The following MGAT4C variants were observed in gnomAD, a reference collection of about 807,000 sequenced individuals.
The protein encoded by MGAT4C is alpha-1,3-mannosyl-glycoprotein 4-beta-N-acetylglucosaminyltransferase C.
Under a neutral mutation model 40.1 loss-of-function variants are expected in MGAT4C, and 19 were observed. The observed-to-expected ratio is 0.47, with a 90% CI of 0.33 to 0.70. The LOEUF (loss-of-function observed/expected upper bound fraction) is 0.70. Ranked by LOEUF, MGAT4C falls within the 30% of genes least tolerant of loss-of-function variation. The probability of loss-of-function intolerance (pLI) is 0.02; values close to 1 mark genes in which losing one functional copy is unlikely to be tolerated. For synonymous variants in MGAT4C, 181 were observed against 187.1 expected (o/e 0.97, Z 0.27); for missense variants, 491 against 563.2 (o/e 0.87, Z 1.30).
At chr12:86,806,044 T>G (rs1194672966) in intron 1 of MGAT4C, among the ~76,000 whole-genome samples, 1 of 151,948 alleles carries the variant, frequency 6.6e-6, no homozygotes, top group African/African-American at 2.4e-5. Flanking sequence ...GAACAACTTT[T>G]GCTTTATCAG....
chr12:86,555,742 C>T (rs1239999689), intron 2 of MGAT4C, among the ~76,000 whole-genome samples: 10 of 152,160 alleles, frequency 6.6e-5, no homozygotes, highest in Non-Finnish European at 1.5e-4. Flanking sequence ...CCTTTTGACC[C>T]CCACATTCTC....
At chr12:86,249,764 G>T (rs2136071022) in intron 1 of MGAT4C, among the ~76,000 whole-genome samples, 1 of 152,096 alleles carries the variant, frequency 6.6e-6, no homozygotes, top group African/African-American at 2.4e-5. Context: ...TCTTAATGAG[G>T]TCCCTCTATC....
At chr12:86,434,299 C>T (rs1957097723) in intron 3 of MGAT4C, among the ~76,000 whole-genome samples, 1 of 151,594 alleles carries the variant, frequency 6.6e-6, no homozygotes, top group South Asian at 2.1e-4. Flanking sequence ...AAAGGAAGGG[C>T]CATATAAATG....
intron 1 of MGAT4C, among the ~76,000 whole-genome samples, chr12:86,101,918 A>G (rs1875156595): frequency 6.6e-6 from 1 of 151,988 alleles, no homozygotes; most frequent in Non-Finnish European, 1.5e-5. Context: ...CCTCCTACTG[A>G]ATTTCAGATA....
rs561142052 is a variant in MGAT4C, at chr12:86,714,173, CAG to C, written c.-229+13034_-229+13035del. On this transcript the variant is annotated intron_variant, in intron 2 of 7. Transcript: ENST00000548651. ...TGGAAATTAAGGGACAAAATAAAGA[CAG>C]AGAGAAAATACTTCAGTATTTTTAC... Among the ~76,000 whole-genome samples the C allele has an allele frequency of 3.3e-3, 498 of 152,156 alleles. 3 individuals are homozygous for C. The highest frequency in any genetic ancestry group is 0.011 in the African/African-American group (476 of 41,524).
intron 1 of MGAT4C, among the ~76,000 whole-genome samples, chr12:86,833,507 G>A (rs780376101): frequency 5.3e-5 from 8 of 151,828 alleles, no homozygotes; most frequent in Non-Finnish European, 8.8e-5. Flanking sequence ...TTCTTGGCTT[G>A]TAGATGTCCG....
At chr12:86,773,879 T>G (rs1951681646) in intron 1 of MGAT4C, among the ~76,000 whole-genome samples, 1 of 151,788 alleles carries the variant, frequency 6.6e-6, no homozygotes, top group Non-Finnish European at 1.5e-5. Flanking sequence ...TATAGATTAT[T>G]TTACATTAAT....
In MGAT4C at chr12:86,222,081, T is replaced by C. The variant is rs143855023; in HGVS notation, c.-57+34158A>G. ...TTCAAAGAAACTCTGTTCTAGTACA[T>C]ATCATACAGACATAATCCACAGTAT... On this transcript the variant is annotated intron_variant, in intron 1 of 4. Transcript: ENST00000611864. Among the ~76,000 whole-genome samples the C allele has an allele frequency of 3.2e-3, 490 of 152,312 alleles. 2 individuals are homozygous for C. Among genetic ancestry groups the C allele is most frequent in the African/African-American group, 0.011 (455 of 41,570 alleles).
At chr12:86,706,333 G>T (rs903865759) in intron 2 of MGAT4C, among the ~76,000 whole-genome samples, 1 of 151,976 alleles carries the variant, frequency 6.6e-6, no homozygotes, top group Non-Finnish European at 1.5e-5. Flanking sequence ...TCTGAGAATT[G>T]GATTTTTTAG....
chr12:86,641,671 A>G (rs901470612), intron 2 of MGAT4C, among the ~76,000 whole-genome samples: 2 of 151,842 alleles, frequency 1.3e-5, no homozygotes, highest in Non-Finnish European at 2.9e-5. Flanking sequence ...GAATTACTGC[A>G]GAGATATATA....
chr12:86,240,862 C>A (rs1318229913), intron 1 of MGAT4C, among the ~76,000 whole-genome samples: 1 of 151,988 alleles, frequency 6.6e-6, no homozygotes, highest in Non-Finnish European at 1.5e-5. Context: ...GCCTTTTCAC[C>A]CCTTCAGTAT....
At chr12:86,291,303 CT>C (rs1953508738) in intron 4 of MGAT4C, among the ~76,000 whole-genome samples, 1 of 152,184 alleles carries the variant, frequency 6.6e-6, no homozygotes, top group African/African-American at 2.4e-5. Context: ...CTAGAAAGAA[CT>C]CTTGGACATG....
At chr12:86,285,113 T>C (rs1953319264) in intron 4 of MGAT4C, among the ~76,000 whole-genome samples, 1 of 151,974 alleles carries the variant, frequency 6.6e-6, no homozygotes, top group African/African-American at 2.4e-5. Context: ...AAATCTTAAT[T>C]GATAAAACAA....
chr12:86,126,447 G>T (rs910950004), intron 1 of MGAT4C, among the ~76,000 whole-genome samples: 1 of 151,902 alleles, frequency 6.6e-6, no homozygotes, highest in East Asian at 1.9e-4. Flanking sequence ...CAGTTTAACC[G>T]TTGTACTAAA....
chr12:86,020,905 A>G (rs1292890255), intron 2 of MGAT4C, among the ~76,000 whole-genome samples: 6 of 152,076 alleles, frequency 3.9e-5, no homozygotes, highest in Non-Finnish European at 5.9e-5. Context: ...AAAACAAACA[A>G]CCCCATCAAA....
intron 3 of MGAT4C, among the ~76,000 whole-genome samples, chr12:86,356,727 G>A (rs1404561146): frequency 6.6e-6 from 1 of 152,180 alleles, no homozygotes; most frequent in African/African-American, 2.4e-5. Context: ...CTCACTGCTA[G>A]CACTGCAGTC....
chr12:86,265,401 A>G, intron 4 of MGAT4C, among the ~76,000 whole-genome samples: 1 of 152,116 alleles, frequency 6.6e-6, no homozygotes, highest in Non-Finnish European at 1.5e-5. Flanking sequence ...TCTTCCCACC[A>G]CTGTTTATTG....
chr12:86,249,671 T>A (rs1411050427), intron 1 of MGAT4C, among the ~76,000 whole-genome samples: 1 of 152,176 alleles, frequency 6.6e-6, no homozygotes, highest in Non-Finnish European at 1.5e-5. Flanking sequence ...TTTTTAGCTC[T>A]CCCTCACTCC....
At chr12:86,305,923 T>C (rs149232516) in intron 4 of MGAT4C, among the ~76,000 whole-genome samples, 2,987 of 150,648 alleles carry the variant, frequency 0.02, 69 homozygotes, top group Middle Eastern at 0.041. Flanking sequence ...TACTTTTATA[T>C]AAAGTTGTTC....
Sources: gnomAD v4.1 joint callset for allele counts (sites outside exome capture counted in the v4.1 genomes callset) on GRCh38, gnomAD v4.1.1 for gene constraint, MANE v1.5 for transcripts, NCBI Gene and HGNC (gene_info 2026-07-23, HGNC 2026-07-21) for gene names.